The following COL13A1 variants were observed in gnomAD, a reference collection of about 807,000 sequenced individuals.
COL13A1 encodes collagen alpha-1(XIII) chain.
COL13A1 carries 89 observed loss-of-function variants against 130.9 expected under a neutral mutation model. That is an observed-to-expected ratio of 0.68 (90% CI 0.57 to 0.81). The LOEUF is 0.81. Among genes scored for constraint, COL13A1 ranks in the 30% least tolerant of loss-of-function variants. COL13A1 has a pLI of 0.00. For synonymous variants in COL13A1, 402 were observed against 341.6 expected (o/e 1.18, Z -1.95); for missense variants, 879 against 934.6 (o/e 0.94, Z 0.78).
intron 10 of COL13A1, among the ~76,000 whole-genome samples, chr10:69,891,549 C>T (rs989955203): frequency 3.9e-5 from 6 of 152,152 alleles, no homozygotes; most frequent in Admixed American, 6.5e-5. Context: ...CAGCTGCCTC[C>T]GCTGCAAATG....
chr10:69,818,819 C>G (rs932920873), intron 1 of COL13A1, among the ~76,000 whole-genome samples: 6 of 152,230 alleles, frequency 3.9e-5, no homozygotes. Flanking sequence ...TAATGCCCAC[C>G]CCCTATGGTG....
chr10:69,833,829 G>C (rs550342137), intron 2 of COL13A1, among the ~76,000 whole-genome samples: 24 of 152,316 alleles, frequency 1.6e-4, no homozygotes, highest in Admixed American at 9.8e-4. Flanking sequence ...CTCCTGCGGA[G>C]GGATGGAGTA....
chr10:69,886,945 C>A (rs2060649234), intron 7 of COL13A1, among the ~76,000 whole-genome samples: 1 of 152,206 alleles, frequency 6.6e-6, no homozygotes. Flanking sequence ...GAGAAGCCTG[C>A]TGGCTAGAGT....
intron 10 of COL13A1, among the ~76,000 whole-genome samples, chr10:69,890,893 C>A (rs1490811402): frequency 2.6e-5 from 4 of 152,246 alleles, no homozygotes; most frequent in Non-Finnish European, 4.4e-5. Context: ...AACTAACTTG[C>A]CTGAAGTCAC....
chr10:69,880,981 G>A (rs905038312), intron 7 of COL13A1, among the ~76,000 whole-genome samples: 1 of 152,212 alleles, frequency 6.6e-6, no homozygotes, highest in South Asian at 2.1e-4. Context: ...TTGCCGGAGG[G>A]CCAGCCCACA....
rs183473848 is a variant in COL13A1 at position 69,929,982 on chromosome 10, C to T, written c.1486-61C>T. On this transcript the variant is annotated intron_variant, in intron 28 of 40. Transcript: ENST00000645393. The stretch of plus-strand genomic sequence containing the variant: ...GGGATGCCGGGTGCACTAAGCAATG[C>T]GTAACTGATGGCTGCTATGTTCTCT... 5,105 of 1,463,274 alleles carry T rather than the reference C, an allele frequency of 3.5e-3. 79 individuals carry two copies. Among genetic ancestry groups the T allele is most frequent in the South Asian group, 0.033 (2,887 of 87,214 alleles). 90.6% of individuals were successfully genotyped at this position (1,463,274 alleles called of 1,614,324 possible). A position where few individuals can be genotyped will look rare whatever the true frequency, so the allele number is the denominator to read the frequency against.
chr10:69,820,476 A>G (rs1235409614), intron 1 of COL13A1, among the ~76,000 whole-genome samples: 2 of 152,224 alleles, frequency 1.3e-5, no homozygotes, highest in Non-Finnish European at 2.9e-5. Flanking sequence ...ATTGGTGGGG[A>G]GGGATGTGGA....
chr10:69,911,710 C>T (rs1038028204), intron 17 of COL13A1, among the ~76,000 whole-genome samples: 6 of 152,238 alleles, frequency 3.9e-5, no homozygotes, highest in Middle Eastern at 3.2e-3. Flanking sequence ...AGCATGTCTG[C>T]AGAGTCTGCA....
At chr10:69,864,670 G>T (rs909557562) in intron 2 of COL13A1, among the ~76,000 whole-genome samples, 3 of 152,210 alleles carry the variant, frequency 2.0e-5, no homozygotes, top group African/African-American at 7.2e-5. Context: ...TTGAAAAAGG[G>T]CACGACCCAG....
chr10:69,810,636 T>C (rs1842805185), intron 1 of COL13A1, among the ~76,000 whole-genome samples: 1 of 152,204 alleles, frequency 6.6e-6, no homozygotes, highest in Admixed American at 6.5e-5. Flanking sequence ...TCCCACCTCT[T>C]TGGGTTGGGT....
At chr10:69,889,572 T>G (rs182838015) in intron 10 of COL13A1, 132 bp downstream of exon 10, 7 of 1,155,728 alleles carry the variant, frequency 6.1e-6, no homozygotes, top group Non-Finnish European at 8.8e-6. Context: ...ACTCCCCAGC[T>G]GTGTAAACCA....
intron 35 of COL13A1, among the ~76,000 whole-genome samples, chr10:69,943,604 G>A (rs1424357776): frequency 6.6e-6 from 1 of 152,200 alleles, no homozygotes; most frequent in Non-Finnish European, 1.5e-5. Context: ...TGAGTGGGGC[G>A]AGAAGGCCCC....
intron 2 of COL13A1, among the ~76,000 whole-genome samples, chr10:69,858,666 G>A (rs1206881415): frequency 2.0e-5 from 3 of 152,208 alleles, no homozygotes; most frequent in Admixed American, 6.5e-5. Flanking sequence ...GGCAAGAGAC[G>A]AGCATGGTCT....
intron 1 of COL13A1, among the ~76,000 whole-genome samples, chr10:69,811,701 C>T (rs980002620): frequency 5.3e-5 from 8 of 152,104 alleles, no homozygotes; most frequent in Admixed American, 2.0e-4. Context: ...ACCTCAGTGA[C>T]GGGGAGCTCA....
chr10:69,808,787 C>T (rs1218741296), intron 1 of COL13A1, among the ~76,000 whole-genome samples: 1 of 152,220 alleles, frequency 6.6e-6, no homozygotes, highest in Admixed American at 6.5e-5. Flanking sequence ...GATGTAAGGT[C>T]CCCCTGTTAG....
intron 17 of COL13A1, among the ~76,000 whole-genome samples, chr10:69,915,668 C>A (rs1375100779): frequency 6.6e-6 from 1 of 152,222 alleles, no homozygotes; most frequent in Non-Finnish European, 1.5e-5. Context: ...AGGGCAGAGC[C>A]CCTCTCTACT....
At chr10:69,872,043 G>C (rs973384841) in intron 3 of COL13A1, 141 bp from the exon 4 acceptor site, 1 of 928,842 alleles carries the variant, frequency 1.1e-6, no homozygotes, top group South Asian at 1.5e-5. Flanking sequence ...AGCGATCAAG[G>C]CTCCCCCTTC....
intron 2 of COL13A1, among the ~76,000 whole-genome samples, chr10:69,845,733 A>G (rs1218482238): frequency 1.4e-5 from 2 of 147,760 alleles, no homozygotes; most frequent in East Asian, 3.9e-4. Context: ...CCCTTTTTCC[A>G]AATCAATTCT....
At chr10:69,908,597 G>A (rs1239964115) in intron 17 of COL13A1, among the ~76,000 whole-genome samples, 1 of 152,230 alleles carries the variant, frequency 6.6e-6, no homozygotes. Context: ...GGGGCATGGG[G>A]TCTGCTGTCC....
Sources: gnomAD v4.1 joint callset for allele counts (sites outside exome capture counted in the v4.1 genomes callset) on GRCh38, gnomAD v4.1.1 for gene constraint, MANE v1.5 for transcripts, NCBI Gene and HGNC (gene_info 2026-07-23, HGNC 2026-07-21) for gene names.